PTPRD: variants seen among roughly 807,000 people sequenced by gnomAD.
PTPRD encodes the protein receptor-type tyrosine-protein phosphatase delta.
A neutral mutation model predicts 214.5 loss-of-function variants in PTPRD; 34 were observed. That is an observed-to-expected ratio of 0.16 (90% CI 0.12 to 0.21). PTPRD has a LOEUF of 0.21. PTPRD is among the 10% of genes least tolerant of loss of function. The probability of loss-of-function intolerance (pLI) is 1.00; values close to 1 mark genes in which losing one functional copy is unlikely to be tolerated. For synonymous variants in PTPRD, 1,128 were observed against 845.7 expected, an observed-to-expected ratio of 1.33 and a Z score of -5.79; for missense variants, 2,545 against 2,398.7, an observed-to-expected ratio of 1.06 and a Z score of -1.27.
chr9:8,635,268 C>T (rs950463547), intron 13 of PTPRD, among the ~76,000 whole-genome samples: 5 of 151,464 alleles, frequency 3.3e-5, no homozygotes, highest in Admixed American at 2.6e-4. Context: ...ACTTTTGTTA[C>T]ATGATTTTGT....
At chr9:9,701,987 T>C (rs538105849) in intron 7 of PTPRD, among the ~76,000 whole-genome samples, 3 of 152,030 alleles carry the variant, frequency 2.0e-5, no homozygotes, top group South Asian at 4.2e-4. Context: ...GGCATGGTGG[T>C]GCATGCCTGT....
At chr9:8,555,501 G>A (rs2083453986) in intron 14 of PTPRD, among the ~76,000 whole-genome samples, 1 of 152,230 alleles carries the variant, frequency 6.6e-6, no homozygotes, top group Admixed American at 6.5e-5. Context: ...GTTTTTATAT[G>A]AGTCCATGTG....
At chr9:8,336,493 T>C (rs1302239090) in intron 43 of PTPRD, among the ~76,000 whole-genome samples, 12 of 76,054 alleles carry the variant, frequency 1.6e-4, no homozygotes, top group African/African-American at 4.8e-4. Flanking sequence ...TGAAAACCCC[T>C]AGAAGAAAAC....
At chr9:8,639,068 C>G (rs114014696) in intron 12 of PTPRD, among the ~76,000 whole-genome samples, 10,495 of 152,140 alleles carry the variant, frequency 0.069, 1,093 homozygotes, top group African/African-American at 0.23. Flanking sequence ...GTCTCGATCT[C>G]GTCACCTCGT....
intron 35 of PTPRD, among the ~76,000 whole-genome samples, chr9:8,421,260 C>T (rs937293009): frequency 6.6e-6 from 1 of 152,006 alleles, no homozygotes; most frequent in Admixed American, 6.6e-5. Flanking sequence ...CAACCTCCTC[C>T]CTCTTTCTCT....
chr9:10,058,472 A>G (rs962253409), intron 3 of PTPRD, among the ~76,000 whole-genome samples: 66 of 152,112 alleles, frequency 4.3e-4, no homozygotes, highest in Non-Finnish European at 1.6e-4. Context: ...CTATGCTCCC[A>G]GGTTACAATC....
intron 8 of PTPRD, among the ~76,000 whole-genome samples, chr9:9,398,926 T>C (rs1415932474): frequency 6.6e-6 from 1 of 152,042 alleles, no homozygotes; most frequent in African/African-American, 2.4e-5. Context: ...TTTATACTCC[T>C]AGCCAACTAT....
intron 8 of PTPRD, among the ~76,000 whole-genome samples, chr9:9,479,045 T>C (rs1238619518): frequency 6.6e-6 from 1 of 152,180 alleles, no homozygotes; most frequent in Non-Finnish European, 1.5e-5. Context: ...CACACAATGG[T>C]TCATAAAGTC....
At chr9:9,285,694 T>G (rs1949123622) in intron 9 of PTPRD, among the ~76,000 whole-genome samples, 1 of 151,798 alleles carries the variant, frequency 6.6e-6, no homozygotes, top group African/African-American at 2.4e-5. Flanking sequence ...GGTCATTTCA[T>G]GTCTTGACCC....
chr9:8,775,903 C>T (rs144880430), intron 11 of PTPRD, among the ~76,000 whole-genome samples: 1 of 151,872 alleles, frequency 6.6e-6, no homozygotes, highest in Non-Finnish European at 1.5e-5. Context: ...ATATAAACTA[C>T]TATTCACATG....
At chr9:9,985,856 C>G (rs1232675986) in intron 4 of PTPRD, among the ~76,000 whole-genome samples, 3 of 151,750 alleles carry the variant, frequency 2.0e-5, no homozygotes, top group Non-Finnish European at 4.4e-5. Flanking sequence ...AAACTTTATT[C>G]TCCCTCTCCT....
intron 11 of PTPRD, among the ~76,000 whole-genome samples, chr9:8,887,937 G>GA (rs143447996): frequency 0.02 from 3,000 of 152,242 alleles, 95 homozygotes; most frequent in African/African-American, 0.068. Context: ...TCAATTCTTG[G>GA]AAAACCACAG....
intron 39 of PTPRD, 39 bp downstream of exon 39, chr9:8,375,896 CT>C: frequency 6.3e-7 from 1 of 1,586,418 alleles, no homozygotes; most frequent in Non-Finnish European, 8.6e-7. Flanking sequence ...GTCAATTTAG[CT>C]TTCTGTTTCC....
At chr9:8,969,558 AAAAC>A in intron 11 of PTPRD, among the ~76,000 whole-genome samples, 1 of 152,222 alleles carries the variant, frequency 6.6e-6, no homozygotes, top group African/African-American at 2.4e-5. Flanking sequence ...ATGAAATTTC[AAAAC>A]AATGCTGAAC....
chr9:8,320,043 C>G (rs1427969842), intron 44 of PTPRD, 77 bp from the exon 45 acceptor site: 2 of 1,523,300 alleles, frequency 1.3e-6, no homozygotes, highest in Admixed American at 4.3e-5. Flanking sequence ...TGTGGACATA[C>G]TTCTACCAGC....
chr9:9,152,104 T>C (rs888486977), intron 10 of PTPRD, among the ~76,000 whole-genome samples: 1 of 152,210 alleles, frequency 6.6e-6, no homozygotes, highest in African/African-American at 2.4e-5. Flanking sequence ...TTCTGTGTCA[T>C]TGCATTGGGT....
intron 12 of PTPRD, among the ~76,000 whole-genome samples, chr9:8,703,636 T>C (rs535091310): frequency 6.6e-6 from 1 of 152,314 alleles, no homozygotes; most frequent in East Asian, 1.9e-4. Context: ...CTCACCTCTA[T>C]TAATTCTATT....
At chr9:9,694,455 T>C (rs1310024872) in intron 7 of PTPRD, among the ~76,000 whole-genome samples, 1 of 152,058 alleles carries the variant, frequency 6.6e-6, no homozygotes, top group Non-Finnish European at 1.5e-5. Flanking sequence ...GGCAGGTGTG[T>C]TGATGCAAGC....
chr9:10,483,131 A>C (rs2099111217), intron 2 of PTPRD, among the ~76,000 whole-genome samples: 1 of 152,212 alleles, frequency 6.6e-6, no homozygotes, highest in African/African-American at 2.4e-5. Flanking sequence ...ATAAACTCAA[A>C]TACTTACAAC....
Sources: gnomAD v4.1 joint callset for allele counts (sites outside exome capture counted in the v4.1 genomes callset) on GRCh38, gnomAD v4.1.1 for gene constraint, MANE v1.5 for transcripts, NCBI Gene and HGNC (gene_info 2026-07-23, HGNC 2026-07-21) for gene names.